The following TMEM132C variants were observed in gnomAD, a reference collection of about 807,000 sequenced individuals.
The protein encoded by TMEM132C is transmembrane protein 132C.
Under a neutral mutation model 61.4 loss-of-function variants are expected in TMEM132C, and 29 were observed. The ratio of observed to expected loss-of-function variants is 0.47; its 90% CI spans 0.35 to 0.64. TMEM132C has a LOEUF of 0.64. TMEM132C is among the 30% of genes least tolerant of loss of function. The pLI, the probability that TMEM132C is intolerant of heterozygous loss-of-function variation, is 0.00. For missense variants in TMEM132C, 1,408 were observed against 1,476.9 expected, an observed-to-expected ratio of 0.95 and a Z score of 0.76; for synonymous variants, 656 against 633.1, an observed-to-expected ratio of 1.04 and a Z score of -0.54.
intron 2 of TMEM132C, among the ~76,000 whole-genome samples, chr12:128,476,935 C>G (rs1871172203): frequency 6.6e-6 from 1 of 152,220 alleles, no homozygotes; most frequent in Non-Finnish European, 1.5e-5. Context: ...TAAACCAAAT[C>G]TGTACATAAA....
intron 1 of TMEM132C, among the ~76,000 whole-genome samples, chr12:128,408,164 G>A (rs1875411830): frequency 1.3e-5 from 2 of 152,176 alleles, no homozygotes; most frequent in South Asian, 2.1e-4. Flanking sequence ...AGGATAAAGA[G>A]TGACCTGTTC....
chr12:128,671,493 G>C (rs1330734974), intron 5 of TMEM132C, among the ~76,000 whole-genome samples: 8 of 152,198 alleles, frequency 5.3e-5, no homozygotes, highest in Non-Finnish European at 5.9e-5. Context: ...CATTCGGGTA[G>C]TGATTTTTGT....
chr12:128,500,789 CAT>C (rs1392237630), intron 2 of TMEM132C, among the ~76,000 whole-genome samples: 1 of 152,078 alleles, frequency 6.6e-6, no homozygotes, highest in Non-Finnish European at 1.5e-5. Flanking sequence ...GAAAGTTAAA[CAT>C]AGAATTATCA....
chr12:128,488,496 A>G (rs2136098140), intron 2 of TMEM132C, among the ~76,000 whole-genome samples: 1 of 152,196 alleles, frequency 6.6e-6, no homozygotes, highest in South Asian at 2.1e-4. Flanking sequence ...CCCTGTCTCT[A>G]CTAAAAATAC....
rs9300287 is a variant in TMEM132C, at chr12:128,392,786, T to TA, written c.86-21929dup. Among the ~76,000 whole-genome samples, 508 of 141,800 alleles carry TA rather than the reference T, an allele frequency of 3.6e-3. 1 individual carries two copies. The highest frequency in any genetic ancestry group is 9.0e-3 in the Admixed American group (127 of 14,076). The allele number at this position is 141,800 out of a possible 152,430, so 93.0% of individuals were successfully genotyped here. On this transcript the variant is annotated intron_variant, in intron 1 of 8. Coordinates refer to ENST00000435159, the MANE Select transcript of TMEM132C (RefSeq NM_001136103.3). Reference sequence around the variant, plus strand: ...CTAACACTAATGATAGCTGATGAGCTAAAAAAAAAAAAAAAAATCACAAAA... The same window carrying TA: ...CTAACACTAATGATAGCTGATGAGCTAAAAAAAAAAAAAAAAAATCACAAAA...
chr12:128,654,022 A>C (rs1018296141), intron 4 of TMEM132C, among the ~76,000 whole-genome samples: 1 of 152,166 alleles, frequency 6.6e-6, no homozygotes, highest in African/African-American at 2.4e-5. Context: ...TGAATGTCAA[A>C]TGTGGCAATG....
At chr12:128,696,141 C>T in intron 7 of TMEM132C, 38 bp downstream of exon 7, 1 of 1,539,224 alleles carries the variant, frequency 6.5e-7, no homozygotes, top group Middle Eastern at 1.9e-4. Context: ...CAGCACTGGG[C>T]ATGTGTGCAG....
intron 4 of TMEM132C, among the ~76,000 whole-genome samples, chr12:128,649,150 C>T (rs1954241751): frequency 6.6e-6 from 1 of 152,218 alleles, no homozygotes; most frequent in East Asian, 1.9e-4. Context: ...AGCTCTCCAG[C>T]TAGCTCCCAC....
chr12:128,344,120 T>C lies in TMEM132C; in HGVS notation c.86-70612T>C, dbSNP rs556635551. ...TGCTGCTGTGAACATTTATGATTCA[T>C]GTACATGTTTTCGTGTGGATATATG... On this transcript the variant is annotated intron_variant, in intron 1 of 8. Transcript: ENST00000435159. 1.4e-4 allele frequency among the ~76,000 whole-genome samples: 21 copies of C among 152,342 alleles called. No individual in the cohort carries two copies. The South Asian group carries it at 4.4e-3, about 32-fold the overall frequency.
chr12:128,511,412 T>C (rs1872560534), intron 2 of TMEM132C, among the ~76,000 whole-genome samples: 1 of 152,198 alleles, frequency 6.6e-6, no homozygotes, highest in Non-Finnish European at 1.5e-5. Flanking sequence ...TCGTTAGGTT[T>C]GACAGTTCTC....
At chr12:128,542,291 T>C (rs1400335540) in intron 2 of TMEM132C, among the ~76,000 whole-genome samples, 1 of 152,150 alleles carries the variant, frequency 6.6e-6, no homozygotes, top group Admixed American at 6.5e-5. Flanking sequence ...CATGGGATTA[T>C]GCCTTTTATT....
intron 3 of TMEM132C, among the ~76,000 whole-genome samples, chr12:128,599,932 C>T (rs565114812): frequency 4.6e-5 from 7 of 152,246 alleles, no homozygotes; most frequent in Non-Finnish European, 8.8e-5. Context: ...CTGCTGTTCT[C>T]GTGACAGGGA....
chr12:128,701,061 G>A (rs781005734), intron 8 of TMEM132C, among the ~76,000 whole-genome samples: 2 of 152,112 alleles, frequency 1.3e-5, no homozygotes, highest in East Asian at 1.9e-4. Context: ...ACTGTATGCC[G>A]GTCTAGAAAG....
At chr12:128,428,371 C>A (rs963781740) in intron 2 of TMEM132C, among the ~76,000 whole-genome samples, 1 of 152,160 alleles carries the variant, frequency 6.6e-6, no homozygotes, top group African/African-American at 2.4e-5. Context: ...CCTGCTGGTT[C>A]TCTACATGGT....
At chr12:128,461,723 A>G (rs1449324243) in intron 2 of TMEM132C, among the ~76,000 whole-genome samples, 2 of 152,116 alleles carry the variant, frequency 1.3e-5, no homozygotes, top group Non-Finnish European at 2.9e-5. Flanking sequence ...TGAGTAATTC[A>G]TTCAAAGTTG....
intron 2 of TMEM132C, among the ~76,000 whole-genome samples, chr12:128,448,457 T>C (rs187504567): frequency 5.5e-4 from 84 of 152,280 alleles, no homozygotes; most frequent in Admixed American, 1.2e-3. Flanking sequence ...TCTGGGATGA[T>C]GGGGGCCTCA....
intron 4 of TMEM132C, among the ~76,000 whole-genome samples, chr12:128,664,763 G>C (rs7954473): frequency 0.049 from 7,423 of 152,300 alleles, 577 homozygotes; most frequent in African/African-American, 0.17. Context: ...GGCATCCACC[G>C]CCAGCCAGCC....
At chr12:128,416,948 A>T (rs1005892865) in intron 2 of TMEM132C, among the ~76,000 whole-genome samples, 1 of 152,164 alleles carries the variant, frequency 6.6e-6, no homozygotes, top group Non-Finnish European at 1.5e-5. Context: ...TGCATTGTGA[A>T]CCTTGGTGGT....
intron 3 of TMEM132C, among the ~76,000 whole-genome samples, chr12:128,603,085 C>G (rs527806105): frequency 3.3e-5 from 5 of 152,326 alleles, no homozygotes; most frequent in Admixed American, 1.3e-4. Flanking sequence ...CAGGCTTCTC[C>G]CCTCTCCACA....
Sources: gnomAD v4.1 joint callset for allele counts (sites outside exome capture counted in the v4.1 genomes callset) on GRCh38, gnomAD v4.1.1 for gene constraint, MANE v1.5 for transcripts, NCBI Gene and HGNC (gene_info 2026-07-23, HGNC 2026-07-21) for gene names.